Variants in SNTG2 observed in about 807,000 individuals in gnomAD.
SNTG2 encodes syntrophin gamma 2, also known as gamma-2-syntrophin.
SNTG2 carries 74 observed loss-of-function variants against 70.9 expected under a neutral mutation model. The observed-to-expected ratio is 1.04, with a 90% CI of 0.86 to 1.27. The LOEUF (loss-of-function observed/expected upper bound fraction) is 1.27, where lower values mean the gene tolerates loss of function less well. Ranked by LOEUF, SNTG2 falls within the 50% of genes most tolerant of loss-of-function variation. The pLI, the probability that SNTG2 is intolerant of heterozygous loss-of-function variation, is 0.00. For missense variants in SNTG2, 717 were observed against 690.7 expected (o/e 1.04, Z -0.43); for synonymous variants, 278 against 273.8 (o/e 1.02, Z -0.15).
chr2:1,090,838 C>A (rs573675359), intron 2 of SNTG2, among the ~76,000 whole-genome samples: 2 of 152,176 alleles, frequency 1.3e-5, no homozygotes, highest in East Asian at 3.9e-4. Context: ...CAGTTAAATA[C>A]CACCCTTTTG....
At chr2:1,089,963 T>C (rs4971434) in intron 2 of SNTG2, among the ~76,000 whole-genome samples, 123,195 of 152,150 alleles carry the variant, frequency 0.81, 49,974 homozygotes, top group Admixed American at 0.89. Flanking sequence ...GCCTGACTGC[T>C]TCCTCACTGG....
intron 1 of SNTG2, among the ~76,000 whole-genome samples, chr2:991,977 T>C (rs1558298607): frequency 6.6e-6 from 1 of 152,078 alleles, no homozygotes; most frequent in African/African-American, 2.4e-5. Context: ...GACAGAAACA[T>C]TGACTCCACT....
intron 1 of SNTG2, among the ~76,000 whole-genome samples, chr2:1,042,977 A>G (rs1661524682): frequency 6.6e-6 from 1 of 152,220 alleles, no homozygotes; most frequent in Admixed American, 6.5e-5. Flanking sequence ...ACTAATTTGG[A>G]TTCCCACCAG....
At chr2:1,206,746 G>A (rs1673657316) in intron 8 of SNTG2, among the ~76,000 whole-genome samples, 1 of 152,076 alleles carries the variant, frequency 6.6e-6, no homozygotes, top group South Asian at 2.1e-4. Context: ...GAAAAAATGG[G>A]TTTTCTCAGT....
At chr2:1,230,034 G>T (rs985335100) in intron 9 of SNTG2, among the ~76,000 whole-genome samples, 2 of 152,206 alleles carry the variant, frequency 1.3e-5, no homozygotes, top group African/African-American at 4.8e-5. Context: ...AGCCCAGAGA[G>T]GGGCTCCCAC....
At chr2:1,006,580 A>G (rs1209958627) in intron 1 of SNTG2, among the ~76,000 whole-genome samples, 1 of 152,170 alleles carries the variant, frequency 6.6e-6, no homozygotes, top group Non-Finnish European at 1.5e-5. Context: ...CGTGGGTTCA[A>G]CCAACTGTGG....
intron 1 of SNTG2, among the ~76,000 whole-genome samples, chr2:1,075,661 T>G (rs566243649): frequency 6.6e-6 from 1 of 152,342 alleles, no homozygotes; most frequent in African/African-American, 2.4e-5. Flanking sequence ...GGAGTGTGGA[T>G]TTTCCTCACT....
At chr2:1,077,674 C>T (rs1254579279) in intron 1 of SNTG2, among the ~76,000 whole-genome samples, 3 of 152,184 alleles carry the variant, frequency 2.0e-5, no homozygotes, top group Non-Finnish European at 2.9e-5. Context: ...AATATGCTTA[C>T]ACACATCCCC....
intron 1 of SNTG2, among the ~76,000 whole-genome samples, chr2:1,058,226 TAATG>T (rs982770578): frequency 6.6e-6 from 1 of 152,110 alleles, no homozygotes; most frequent in Non-Finnish European, 1.5e-5. Flanking sequence ...AAAAAAAAGA[TAATG>T]AATGGAGATG....
At chr2:1,265,274 A>AATT (rs1286624774) in intron 13 of SNTG2, among the ~76,000 whole-genome samples, 2 of 152,178 alleles carry the variant, frequency 1.3e-5, no homozygotes, top group Non-Finnish European at 2.9e-5. Flanking sequence ...AGGGCCCCAG[A>AATT]ATTAAAGTGC....
intron 1 of SNTG2, among the ~76,000 whole-genome samples, chr2:1,065,385 A>G (rs1355379962): frequency 6.6e-6 from 1 of 152,152 alleles, no homozygotes; most frequent in Non-Finnish European, 1.5e-5. Flanking sequence ...GATGAGAGGC[A>G]TAATTGGAAT....
chr2:1,120,791 G>A (rs540629912), intron 4 of SNTG2, among the ~76,000 whole-genome samples: 65 of 152,100 alleles, frequency 4.3e-4, no homozygotes, highest in African/African-American at 1.6e-3. Context: ...TAAATACATA[G>A]CAATACAACA....
chr2:1,030,727 T>C (rs917613825), intron 1 of SNTG2, among the ~76,000 whole-genome samples: 1 of 152,232 alleles, frequency 6.6e-6, no homozygotes, highest in African/African-American at 2.4e-5. Flanking sequence ...TGGCAACATG[T>C]TATGTGTATT....
intron 13 of SNTG2, among the ~76,000 whole-genome samples, chr2:1,264,508 A>G (rs879277350): frequency 6.6e-6 from 1 of 152,220 alleles, no homozygotes; most frequent in Non-Finnish European, 1.5e-5. Flanking sequence ...CAAGTGCCCC[A>G]AGAAGCGGGA....
At chr2:1,019,953 G>T (rs778299535) in intron 1 of SNTG2, among the ~76,000 whole-genome samples, 1 of 152,184 alleles carries the variant, frequency 6.6e-6, no homozygotes, top group African/African-American at 2.4e-5. Context: ...TGAGGTAGGA[G>T]AATTGCTTGA....
chr2:1,227,397 C>T (rs1025807424), intron 9 of SNTG2, among the ~76,000 whole-genome samples: 2 of 152,230 alleles, frequency 1.3e-5, no homozygotes, highest in Non-Finnish European at 2.9e-5. Context: ...GGAGGACAGT[C>T]GGCCCCTGGC....
chr2:1,174,169 A>T (rs972008033), intron 8 of SNTG2, among the ~76,000 whole-genome samples: 8 of 152,306 alleles, frequency 5.3e-5, no homozygotes, highest in African/African-American at 1.9e-4. Flanking sequence ...AATAATTAGA[A>T]TATTGTCCCT....
chr2:1,159,009 CGT>C (rs1334538794), intron 6 of SNTG2, among the ~76,000 whole-genome samples: 2 of 151,840 alleles, frequency 1.3e-5, no homozygotes, highest in African/African-American at 4.8e-5. Context: ...TGTGGATGTC[CGT>C]GTGTGTGTCC....
At chr2:951,324 G>T (rs1488182162) in intron 1 of SNTG2, among the ~76,000 whole-genome samples, 2 of 152,216 alleles carry the variant, frequency 1.3e-5, no homozygotes, top group African/African-American at 4.8e-5. Context: ...GTCTTCCAAG[G>T]TTTGGTTTTG....
Sources: allele counts gnomAD v4.1 joint callset (sites outside exome capture counted in the v4.1 genomes callset), GRCh38; gene constraint gnomAD v4.1.1; transcripts MANE v1.5; gene names NCBI Gene and HGNC (gene_info 2026-07-23, HGNC 2026-07-21).